LUZP2: variants seen among roughly 807,000 people sequenced by gnomAD.
The protein encoded by LUZP2 is leucine zipper protein 2.
A neutral mutation model predicts 51.6 loss-of-function variants in LUZP2; 52 were observed. The observed-to-expected ratio is 1.01, with a 90% CI of 0.81 to 1.27. The LOEUF (loss-of-function observed/expected upper bound fraction) is 1.27. Ranked by LOEUF, LUZP2 falls within the 50% of genes most tolerant of loss-of-function variation. LUZP2 has a pLI of 0.00. For missense variants in LUZP2, 436 were observed against 395.4 expected (o/e 1.10, Z -0.87); for synonymous variants, 154 against 137.3 (o/e 1.12, Z -0.85).
At chr11:24,839,393 A>G (rs1331313293) in intron 5 of LUZP2, among the ~76,000 whole-genome samples, 1 of 151,710 alleles carries the variant, frequency 6.6e-6, no homozygotes, top group Non-Finnish European at 1.5e-5. Context: ...TTAGAAAACC[A>G]TCTATTTTTT....
chr11:24,853,159 T>C (rs1307706471), intron 5 of LUZP2, among the ~76,000 whole-genome samples: 1 of 152,184 alleles, frequency 6.6e-6, no homozygotes, highest in Non-Finnish European at 1.5e-5. Flanking sequence ...TACAGTTTCT[T>C]CATAGTGTTG....
intron 9 of LUZP2, among the ~76,000 whole-genome samples, chr11:25,000,319 G>A (rs1484719022): frequency 1.3e-5 from 2 of 152,142 alleles, no homozygotes; most frequent in African/African-American, 4.8e-5. Flanking sequence ...CCCAACTGCT[G>A]TTGGGAATTT....
At chr11:24,982,333 C>T (rs563027225) in intron 8 of LUZP2, among the ~76,000 whole-genome samples, 221 of 151,848 alleles carry the variant, frequency 1.5e-3, no homozygotes, top group African/African-American at 5.1e-3. Flanking sequence ...GCACTATTCA[C>T]AATAACAAAG....
intron 1 of LUZP2, among the ~76,000 whole-genome samples, chr11:24,708,868 A>G (rs144775282): frequency 1.3e-5 from 2 of 152,316 alleles, no homozygotes; most frequent in African/African-American, 4.8e-5. Flanking sequence ...AAAACCCTGT[A>G]TAAGATCACA....
At chr11:24,669,634 T>G (rs187049707) in intron 1 of LUZP2, among the ~76,000 whole-genome samples, 1 of 152,138 alleles carries the variant, frequency 6.6e-6, no homozygotes, top group East Asian at 1.9e-4. Context: ...GAGCACATTG[T>G]TTGGATTATT....
At chr11:24,568,502 G>A (rs1023711818) in intron 1 of LUZP2, among the ~76,000 whole-genome samples, 1 of 151,828 alleles carries the variant, frequency 6.6e-6, no homozygotes, top group Admixed American at 6.6e-5. Flanking sequence ...TGAAAAACAT[G>A]TATGCATCTA....
At chr11:24,533,113 T>C (rs1851063353) in intron 1 of LUZP2, among the ~76,000 whole-genome samples, 1 of 151,230 alleles carries the variant, frequency 6.6e-6, no homozygotes, top group Non-Finnish European at 1.5e-5. Context: ...CCTGTATGTG[T>C]AGAATATGTA....
At chr11:24,538,015 T>G (rs1274305356) in intron 1 of LUZP2, among the ~76,000 whole-genome samples, 4 of 124,828 alleles carry the variant, frequency 3.2e-5, no homozygotes, top group Non-Finnish European at 7.1e-5. Context: ...TAGGGCCACT[T>G]CTTTGAAGAG....
At chr11:24,758,430 A>G (rs1208871732) in intron 4 of LUZP2, among the ~76,000 whole-genome samples, 1 of 152,000 alleles carries the variant, frequency 6.6e-6, no homozygotes, top group Non-Finnish European at 1.5e-5. Flanking sequence ...AAAGATTAAT[A>G]TCACTGGGAT....
At chr11:24,771,793 CT>C (rs1402466339) in intron 5 of LUZP2, among the ~76,000 whole-genome samples, 1 of 151,978 alleles carries the variant, frequency 6.6e-6, no homozygotes, top group Non-Finnish European at 1.5e-5. Context: ...GTGAATAAGT[CT>C]CATGAGATCT....
intron 9 of LUZP2, among the ~76,000 whole-genome samples, chr11:25,025,396 T>A (rs1857461380): frequency 6.6e-6 from 1 of 152,150 alleles, no homozygotes. Context: ...AATCTACCCA[T>A]CTGACAAAGG....
intron 5 of LUZP2, among the ~76,000 whole-genome samples, chr11:24,824,322 C>T (rs1220348418): frequency 1.6e-5 from 2 of 126,944 alleles, no homozygotes; most frequent in Non-Finnish European, 3.1e-5. Context: ...GCCAAGATTA[C>T]ACCATTGCAC....
intron 5 of LUZP2, among the ~76,000 whole-genome samples, chr11:24,884,286 A>G (rs544969632): frequency 6.6e-6 from 1 of 152,166 alleles, no homozygotes; most frequent in Non-Finnish European, 1.5e-5. Context: ...AACAGATTAA[A>G]TAAAGGAAGC....
intron 1 of LUZP2, among the ~76,000 whole-genome samples, chr11:24,677,513 C>T (rs1856599031): frequency 6.6e-6 from 1 of 152,112 alleles, no homozygotes; most frequent in African/African-American, 2.4e-5. Context: ...ATTCCAAAGC[C>T]CCTGCTCTTT....
chr11:24,739,470 G>A (rs998169484), intron 4 of LUZP2, among the ~76,000 whole-genome samples: 2 of 152,098 alleles, frequency 1.3e-5, no homozygotes, highest in African/African-American at 4.8e-5. Context: ...GAGCATCAAT[G>A]AGAGAGTCCA....
chr11:24,968,046 T>G (rs2133891335), intron 7 of LUZP2, among the ~76,000 whole-genome samples: 1 of 152,264 alleles, frequency 6.6e-6, no homozygotes, highest in South Asian at 2.1e-4. Context: ...TTGTGTACGG[T>G]TTGTTTTATT....
At chr11:24,724,391 A>G (rs61875728) in intron 1 of LUZP2, among the ~76,000 whole-genome samples, 16,492 of 152,022 alleles carry the variant, frequency 0.11, 1,175 homozygotes, top group Non-Finnish European at 0.15. Flanking sequence ...GTAACATGGC[A>G]AAACCCTCTC....
chr11:25,065,730 G>A (rs374245733), intron 10 of LUZP2, among the ~76,000 whole-genome samples: 1 of 151,958 alleles, frequency 6.6e-6, no homozygotes, highest in Non-Finnish European at 1.5e-5. Flanking sequence ...GAGGAATGAG[G>A]CAAAGAATAT....
At chr11:24,661,088 A>T (rs1055166115) in intron 1 of LUZP2, among the ~76,000 whole-genome samples, 8 of 152,278 alleles carry the variant, frequency 5.3e-5, no homozygotes, top group African/African-American at 1.9e-4. Flanking sequence ...GATAACATTG[A>T]CTTTAGCTAC....
Sources: gnomAD v4.1 joint callset for allele counts (sites outside exome capture counted in the v4.1 genomes callset) on GRCh38, gnomAD v4.1.1 for gene constraint, MANE v1.5 for transcripts, NCBI Gene and HGNC (gene_info 2026-07-23, HGNC 2026-07-21) for gene names.